EFCAB8: variants seen among roughly 807,000 people sequenced by gnomAD.
EFCAB8 encodes the protein EF-hand calcium binding domain 8.
Under a neutral mutation model 116.3 loss-of-function variants are expected in EFCAB8, and 100 were observed. The observed-to-expected ratio is 0.86, with a 90% CI of 0.73 to 1.02. The LOEUF is 1.02. Ranked by LOEUF, EFCAB8 falls within the 50% of genes least tolerant of loss-of-function variation. The probability of loss-of-function intolerance (pLI) is 0.00; values close to 1 mark genes in which losing one functional copy is unlikely to be tolerated. For synonymous variants in EFCAB8, 558 were observed against 567.9 expected (o/e 0.98, Z 0.25); for missense variants, 1,320 against 1,416.9 (o/e 0.93, Z 1.10).
chr20:32,916,656 T>C (rs1987203774), intron 17 of EFCAB8, among the ~76,000 whole-genome samples: 2 of 152,188 alleles, frequency 1.3e-5, no homozygotes, highest in Admixed American at 1.3e-4. Flanking sequence ...TACTCTCACA[T>C]TGAGGATTAG....
At chr20:32,918,806 C>G (rs774155392) in intron 19 of EFCAB8, among the ~76,000 whole-genome samples, 1 of 152,178 alleles carries the variant, frequency 6.6e-6, no homozygotes, top group Non-Finnish European at 1.5e-5. Flanking sequence ...ATGGCTAATA[C>G]CAGCCCTAAA....
chr20:32,911,460 C>T lies in EFCAB8; in HGVS notation c.1558-20C>T, dbSNP rs2146245350. On this transcript the variant is annotated intron_variant, in intron 15 of 26. Transcript: ENST00000400522. ...AGGCCCCGGCCTCTCCAGCAGCCCC[C>T]AGCTGTGTGCTCCCTACAGGTGGTG... 1 of 1,457,560 alleles carries T rather than the reference C, an allele frequency of 6.9e-7. No individual in the cohort carries two copies. The highest frequency in any genetic ancestry group is 9.1e-7 in the Non-Finnish European group (1 of 1,099,660). The allele number at this position is 1,457,560 out of a possible 1,614,324, so 90.3% of individuals were successfully genotyped here. A position where few individuals can be genotyped will look rare whatever the true frequency, so the allele number is the denominator to read the frequency against.
At chr20:32,873,798 C>T (rs986917506) in intron 3 of EFCAB8, among the ~76,000 whole-genome samples, 5 of 135,200 alleles carry the variant, frequency 3.7e-5, no homozygotes, top group South Asian at 2.3e-4. Flanking sequence ...GGCAACAGAG[C>T]GAGACTCTGT....
intron 20 of EFCAB8, among the ~76,000 whole-genome samples, chr20:32,924,994 A>G (rs968596617): frequency 1.3e-5 from 2 of 152,070 alleles, no homozygotes; most frequent in African/African-American, 4.8e-5. Flanking sequence ...TGCTTGGGTC[A>G]TCTCTGATCT....
chr20:32,860,759 C>T (rs146180277), intron 1 of EFCAB8, among the ~76,000 whole-genome samples: 19 of 151,900 alleles, frequency 1.3e-4, no homozygotes, highest in Non-Finnish European at 2.2e-4. Context: ...TTTTTTGAGA[C>T]AAGGTCTCAT....
At chr20:32,905,038 G>A (rs1036472998) in intron 11 of EFCAB8, among the ~76,000 whole-genome samples, 1 of 152,138 alleles carries the variant, frequency 6.6e-6, no homozygotes, top group African/African-American at 2.4e-5. Flanking sequence ...TGTGAGGGCT[G>A]CAGGGCCCTG....
At chr20:32,926,610 C>A (rs1419250455) in intron 20 of EFCAB8, among the ~76,000 whole-genome samples, 3 of 149,206 alleles carry the variant, frequency 2.0e-5, no homozygotes, top group African/African-American at 7.4e-5. Flanking sequence ...GCTGCACCCA[C>A]TAACTCGTCA....
intron 23 of EFCAB8, among the ~76,000 whole-genome samples, chr20:32,948,564 G>GA (rs765457580): frequency 2.2e-4 from 32 of 145,094 alleles, no homozygotes; most frequent in Admixed American, 4.1e-4. Flanking sequence ...AAGAAAGAAA[G>GA]AAAGAAAGAA....
At chr20:32,876,108 A>G in intron 4 of EFCAB8, 64 bp downstream of exon 4, 1 of 1,378,786 alleles carries the variant, frequency 7.3e-7, no homozygotes. Flanking sequence ...GTCCTTGACC[A>G]GTTGGTGGGG....
intron 10 of EFCAB8, among the ~76,000 whole-genome samples, chr20:32,897,164 C>T (rs907389532): frequency 6.6e-6 from 1 of 152,014 alleles, no homozygotes; most frequent in African/African-American, 2.4e-5. Context: ...CCCAAGCAGC[C>T]CTCCTAGGAC....
At chr20:32,904,745 G>C (rs985350190) in intron 11 of EFCAB8, among the ~76,000 whole-genome samples, 1 of 151,848 alleles carries the variant, frequency 6.6e-6, no homozygotes, top group Non-Finnish European at 1.5e-5. Context: ...TCCTGCGTCA[G>C]CCTCCTGAGT....
At chr20:32,860,124 A>G (rs1035005872) in intron 1 of EFCAB8, among the ~76,000 whole-genome samples, 1 of 152,200 alleles carries the variant, frequency 6.6e-6, no homozygotes, top group Non-Finnish European at 1.5e-5. Flanking sequence ...CCTGGCCAAC[A>G]TGGAGAAATC....
chr20:32,895,313 AT>A (rs11353110), intron 9 of EFCAB8, among the ~76,000 whole-genome samples: 22,655 of 127,692 alleles, frequency 0.18, 1,755 homozygotes, highest in East Asian at 0.22. Context: ...TTTATTTAAG[AT>A]TTTTTTTTTT....
At chr20:32,899,151 C>A (rs988691891) in intron 11 of EFCAB8, among the ~76,000 whole-genome samples, 1 of 151,836 alleles carries the variant, frequency 6.6e-6, no homozygotes, top group Non-Finnish European at 1.5e-5. Flanking sequence ...TTTGGGAAGC[C>A]GAGGTGGGTG....
chr20:32,864,754 T>C (rs1215274083), intron 2 of EFCAB8, among the ~76,000 whole-genome samples: 1 of 152,180 alleles, frequency 6.6e-6, no homozygotes, highest in Non-Finnish European at 1.5e-5. Context: ...AATTGTCTGT[T>C]ATGTGCTTGG....
chr20:32,867,603 C>CA lies in EFCAB8; in HGVS notation c.65dup (p.Asn23GlufsTer6). On this transcript the variant is annotated frameshift_variant, in exon 3 of 27. Coordinates refer to ENST00000400522, the MANE Select transcript of EFCAB8 (RefSeq NM_001143967.2). LOFTEE classifies it high-confidence loss of function. ...CCAGCTGTCCATCCCACATGGCTTC[C>CA]AGAACAAGGAGGCTGCTAGCTCCCC... is the stretch of plus-strand genomic sequence containing the variant. 1 of 1,551,610 alleles carries CA rather than the reference C, an allele frequency of 6.4e-7. No homozygotes were observed. The highest frequency in any genetic ancestry group is 1.2e-5 in the South Asian group (1 of 84,040).
chr20:32,910,974 G>A (rs969779815), intron 15 of EFCAB8, among the ~76,000 whole-genome samples: 9 of 152,086 alleles, frequency 5.9e-5, no homozygotes, highest in Admixed American at 5.9e-4. Flanking sequence ...CTGACCTCAA[G>A]TGATCCACCC....
At chr20:32,937,619 T>G (rs1600450269) in intron 22 of EFCAB8, among the ~76,000 whole-genome samples, 1 of 151,114 alleles carries the variant, frequency 6.6e-6, no homozygotes, top group African/African-American at 2.5e-5. Context: ...TATTTAAAGA[T>G]TTTTCTTTTT....
chr20:32,931,421 G>A lies in EFCAB8; in HGVS notation c.2790+85G>A, dbSNP rs1987906034. The A allele has an allele frequency of 2.8e-6, 4 of 1,406,612 alleles. No homozygotes were observed. In the South Asian group the frequency reaches 4.8e-5, roughly 17 times the overall value. 87.1% of individuals were successfully genotyped at this position (1,406,612 alleles called of 1,614,324 possible). ...GGACCATAAACTAACTCATACCCAA[G>A]AGAAATACACTTACTAAAAGATAAG... On this transcript the variant is annotated intron_variant, in intron 22 of 26. Transcript: ENST00000400522.
Sources: allele counts gnomAD v4.1 joint callset (sites outside exome capture counted in the v4.1 genomes callset), GRCh38; gene constraint gnomAD v4.1.1; transcripts MANE v1.5; gene names NCBI Gene and HGNC (gene_info 2026-07-23, HGNC 2026-07-21).